SNX7: variants seen among roughly 807,000 people sequenced by gnomAD.
The protein encoded by SNX7 is sorting nexin-7.
In SNX7, 35 loss-of-function variants were observed where a neutral mutation model predicts 48.4. The ratio of observed to expected loss-of-function variants is 0.72; its 90% confidence interval spans 0.55 to 0.96. The LOEUF is 0.96. SNX7 is among the 40% of genes least tolerant of loss of function. The pLI is 0.00. For missense variants in SNX7, 553 were observed against 548.9 expected (o/e 1.01, Z -0.07); for synonymous variants, 190 against 190.2 (o/e 1.00, Z 0.01).
rs555353508 is a variant in SNX7, at chr1:98,677,833, G to A, written c.181-7052G>A. Among the ~76,000 whole-genome samples the A allele has an allele frequency of 7.4e-5, 11 of 148,470 alleles. No homozygotes were observed. The South Asian group carries it at 2.1e-3, about 29-fold the overall frequency. Reference sequence around the variant, plus strand: ...GTGGAGGTTGCAGTGAGCCCAGATCGCACCACTGCACTCCAGCCTGGGTGA... The same window carrying A: ...GTGGAGGTTGCAGTGAGCCCAGATCACACCACTGCACTCCAGCCTGGGTGA... On this transcript the variant is annotated intron_variant, in intron 1 of 8. Transcript: ENST00000306121.
chr1:98,745,923 C>T (rs1329656169), intron 8 of SNX7, among the ~76,000 whole-genome samples: 2 of 152,026 alleles, frequency 1.3e-5, no homozygotes, highest in Non-Finnish European at 2.9e-5. Flanking sequence ...GAGAGCCCAG[C>T]ATTGTTATTG....
chr1:98,730,575 G>T (rs1466737719), intron 7 of SNX7, among the ~76,000 whole-genome samples: 3 of 151,996 alleles, frequency 2.0e-5, no homozygotes, highest in East Asian at 3.9e-4. Context: ...ACAAATAAAT[G>T]TGCGGAAATC....
At chr1:98,736,559 C>G (rs776715041) in intron 7 of SNX7, among the ~76,000 whole-genome samples, 3 of 152,098 alleles carry the variant, frequency 2.0e-5, no homozygotes, top group Non-Finnish European at 4.4e-5. Context: ...ACTACAGATT[C>G]CCATACAGTA....
At chr1:98,676,306 A>C (rs1188531046) in intron 1 of SNX7, among the ~76,000 whole-genome samples, 1 of 152,154 alleles carries the variant, frequency 6.6e-6, no homozygotes, top group Non-Finnish European at 1.5e-5. Flanking sequence ...AATTCATTAT[A>C]CCCTCCCATA....
intron 7 of SNX7, among the ~76,000 whole-genome samples, chr1:98,719,866 TATATAA>T (rs1652772286): frequency 1.2e-5 from 1 of 81,258 alleles, no homozygotes; most frequent in African/African-American, 5.3e-5. Flanking sequence ...GTCAACTATA[TATATAA>T]AATATATATT....
At chr1:98,717,931 A>G (rs1430887970) in intron 7 of SNX7, among the ~76,000 whole-genome samples, 2 of 152,086 alleles carry the variant, frequency 1.3e-5, no homozygotes, top group Admixed American at 6.6e-5. Flanking sequence ...AAAAAGACAT[A>G]TATCCGTGAA....
intron 7 of SNX7, among the ~76,000 whole-genome samples, chr1:98,723,743 G>C (rs1163630868): frequency 6.6e-6 from 1 of 151,362 alleles, no homozygotes; most frequent in African/African-American, 2.4e-5. Flanking sequence ...CGTAGTCCCA[G>C]CTGCTTGGGA....
chr1:98,729,548 A>G (rs1365718236), intron 7 of SNX7, among the ~76,000 whole-genome samples: 5 of 152,022 alleles, frequency 3.3e-5, no homozygotes, highest in Non-Finnish European at 7.4e-5. Flanking sequence ...AGAAGAATCA[A>G]ATAGACACAA....
chr1:98,662,613 G>A, intron 1 of SNX7: 1 of 1,161,768 alleles, frequency 8.6e-7, no homozygotes, highest in Non-Finnish European at 1.1e-6. Context: ...ACTTGTGGGG[G>A]CTAGTGGTAG....
At chr1:98,719,470 C>T (rs917381842) in intron 7 of SNX7, among the ~76,000 whole-genome samples, 1 of 152,066 alleles carries the variant, frequency 6.6e-6, no homozygotes, top group Non-Finnish European at 1.5e-5. Flanking sequence ...TGGGGTTAAG[C>T]ATTGCTTTAT....
rs985164549 is a variant in SNX7, at chr1:98,721,832, A to T, written c.1126-16405A>T. Among the ~76,000 whole-genome samples, 4 of 152,252 alleles carry T rather than the reference A, an allele frequency of 2.6e-5. No individual in the cohort carries two copies. In the South Asian group the frequency reaches 8.3e-4, roughly 32 times the overall value. ...TTTGCAGAAAAGTACAGGGAATTACATCTAAAGAGGTAAAGGACTGTGAAT... is the reference window on the plus strand; with the variant it reads ...TTTGCAGAAAAGTACAGGGAATTACTTCTAAAGAGGTAAAGGACTGTGAAT... On this transcript the variant is annotated intron_variant, in intron 7 of 8. Transcript: ENST00000306121.
intron 5 of SNX7, among the ~76,000 whole-genome samples, chr1:98,697,653 T>G (rs553197880): frequency 6.6e-6 from 1 of 152,256 alleles, no homozygotes; most frequent in East Asian, 1.9e-4. Flanking sequence ...ACTCATTACA[T>G]ATAAGGGTTT....
At chr1:98,698,592 TG>T (rs1457045534) in intron 5 of SNX7, 113 bp from the exon 6 acceptor site, 2 of 878,604 alleles carry the variant, frequency 2.3e-6, no homozygotes, top group African/African-American at 3.4e-5. Context: ...TATGTTCTTG[TG>T]TAAGAACATG....
chr1:98,752,506 A>G lies in SNX7; in HGVS notation c.1279-7548A>G, dbSNP rs182577221. Among the ~76,000 whole-genome samples the G allele has an allele frequency of 1.3e-3, 199 of 152,158 alleles. 2 individuals are homozygous for G. Among genetic ancestry groups the G allele is most frequent in the African/African-American group, 4.6e-3 (193 of 41,556 alleles). On this transcript the variant is annotated intron_variant, in intron 8 of 8. Coordinates refer to ENST00000306121, the MANE Select transcript of SNX7 (RefSeq NM_015976.5). Reference sequence around the variant, plus strand: ...GATTCTCAGCTTTACAGGCCTAGAAAAAAACCATATTGGTCAGCAACATGA... The same window carrying G: ...GATTCTCAGCTTTACAGGCCTAGAAGAAAACCATATTGGTCAGCAACATGA...
chr1:98,752,473 C>G (rs1041766521), intron 8 of SNX7, among the ~76,000 whole-genome samples: 1 of 151,886 alleles, frequency 6.6e-6, no homozygotes, highest in Non-Finnish European at 1.5e-5. Context: ...CTGCATAGTT[C>G]AAGGTCAGAT....
At chr1:98,751,681 T>C (rs1654588475) in intron 8 of SNX7, among the ~76,000 whole-genome samples, 1 of 152,132 alleles carries the variant, frequency 6.6e-6, no homozygotes, top group Non-Finnish European at 1.5e-5. Flanking sequence ...ACTTAATTTT[T>C]TCTGCAGTGA....
chr1:98,679,920 G>T (rs942541326), intron 1 of SNX7, among the ~76,000 whole-genome samples: 28 of 152,176 alleles, frequency 1.8e-4, no homozygotes, highest in African/African-American at 6.8e-4. Flanking sequence ...CCATTCTGGG[G>T]CCTGGAGGAT....
At chr1:98,669,819 G>A (rs1056128636) in intron 1 of SNX7, among the ~76,000 whole-genome samples, 1 of 152,150 alleles carries the variant, frequency 6.6e-6, no homozygotes, top group Non-Finnish European at 1.5e-5. Context: ...TCCAGTCTGT[G>A]CTCTCCATAC....
At chr1:98,697,185 T>TAGGCC (rs1402151210) in intron 5 of SNX7, among the ~76,000 whole-genome samples, 3 of 152,110 alleles carry the variant, frequency 2.0e-5, no homozygotes, top group African/African-American at 7.2e-5. Flanking sequence ...AGTATGGTCA[T>TAGGCC]TATTTAACAT....
Sources: allele counts gnomAD v4.1 joint callset (sites outside exome capture counted in the v4.1 genomes callset), GRCh38; gene constraint gnomAD v4.1.1; transcripts MANE v1.5; gene names NCBI Gene and HGNC (gene_info 2026-07-23, HGNC 2026-07-21).